OTUD7A: variants seen among roughly 807,000 people sequenced by gnomAD.
The protein encoded by OTUD7A is OTU domain-containing protein 7A.
In OTUD7A, 12 loss-of-function variants were observed where a neutral mutation model predicts 65.7. That is an observed-to-expected ratio of 0.18 (90% CI 0.12 to 0.30). OTUD7A has a LOEUF of 0.30. OTUD7A is among the 10% of genes least tolerant of loss of function. The pLI, the probability that OTUD7A is intolerant of heterozygous loss-of-function variation, is 1.00. For synonymous variants in OTUD7A, 641 were observed against 586.3 expected (o/e 1.09, Z -1.35); for missense variants, 1,148 against 1,304.8 (o/e 0.88, Z 1.85).
intron 1 of OTUD7A, among the ~76,000 whole-genome samples, chr15:31,659,873 C>T (rs1261375722): frequency 1.3e-5 from 2 of 152,228 alleles, no homozygotes. Flanking sequence ...GATCTGGGGT[C>T]GAGCACAGGC....
Position 31,503,680 on chromosome 15 carries a change from G to T in OTUD7A, c.1021+11C>A. ...TGTCATGAATACAACACATCTCTTT[G>T]AGGAACTTACCTTCTCCACCTGAGT... On this transcript the variant is annotated intron_variant, in intron 9 of 12. Coordinates refer to ENST00000307050, the MANE Select transcript of OTUD7A (RefSeq NM_001382637.1). 1 of 1,614,108 alleles carries T rather than the reference G, an allele frequency of 6.2e-7. No homozygotes were observed. The highest frequency in any genetic ancestry group is 1.1e-5 in the South Asian group (1 of 91,074).
At chr15:31,555,833 G>A (rs936157482) in intron 5 of OTUD7A, among the ~76,000 whole-genome samples, 16 of 101,974 alleles carry the variant, frequency 1.6e-4, no homozygotes, top group Non-Finnish European at 2.6e-4. Context: ...AGTTGTCTGC[G>A]TACCTCTGTT....
intron 1 of OTUD7A, among the ~76,000 whole-genome samples, chr15:31,800,899 G>A (rs1323268879): frequency 6.6e-6 from 1 of 152,100 alleles, no homozygotes; most frequent in African/African-American, 2.4e-5. Flanking sequence ...ATTTCCTGCA[G>A]CCCCTGCTGT....
intron 1 of OTUD7A, among the ~76,000 whole-genome samples, chr15:31,852,647 G>A (rs1246441793): frequency 6.6e-6 from 1 of 152,214 alleles, no homozygotes; most frequent in Admixed American, 6.5e-5. Flanking sequence ...TGCCATGTGA[G>A]TGGCCAACTG....
intron 12 of OTUD7A, among the ~76,000 whole-genome samples, chr15:31,486,286 C>T (rs1173475931): frequency 2.6e-5 from 4 of 152,132 alleles, no homozygotes; most frequent in African/African-American, 4.8e-5. Flanking sequence ...AAACTGCCAC[C>T]GACTGGCTGT....
intron 3 of OTUD7A, among the ~76,000 whole-genome samples, chr15:31,589,958 A>C (rs911559684): frequency 1.3e-5 from 2 of 152,188 alleles, no homozygotes; most frequent in African/African-American, 4.8e-5. Flanking sequence ...AAACCTTTCA[A>C]TTTGGTTATA....
chr15:31,599,280 C>T (rs1180671768), intron 3 of OTUD7A, among the ~76,000 whole-genome samples: 1 of 152,182 alleles, frequency 6.6e-6, no homozygotes, highest in Non-Finnish European at 1.5e-5. Flanking sequence ...CTGGTGGATG[C>T]CCCTCTGGGA....
chr15:31,679,960 G>T (rs1892675748), intron 1 of OTUD7A, among the ~76,000 whole-genome samples: 1 of 152,094 alleles, frequency 6.6e-6, no homozygotes, highest in Non-Finnish European at 1.5e-5. Flanking sequence ...TAAAAAATTG[G>T]CATATTATAT....
intron 8 of OTUD7A, among the ~76,000 whole-genome samples, chr15:31,509,499 T>C (rs1595566526): frequency 1.3e-5 from 2 of 152,264 alleles, no homozygotes; most frequent in South Asian, 4.1e-4. Flanking sequence ...CAGGATGGTC[T>C]TGATCTCCTG....
intron 1 of OTUD7A, among the ~76,000 whole-genome samples, chr15:31,827,290 T>G (rs1222111644): frequency 2.0e-5 from 3 of 152,202 alleles, no homozygotes; most frequent in African/African-American, 7.2e-5. Context: ...AAGTCTGGTC[T>G]TACATGGATG....
intron 1 of OTUD7A, among the ~76,000 whole-genome samples, chr15:31,869,636 C>G (rs1464294716): frequency 6.6e-6 from 1 of 152,172 alleles, no homozygotes; most frequent in African/African-American, 2.4e-5. Context: ...ACTCTTAAAT[C>G]TATACATTCT....
chr15:31,580,541 C>T (rs900843995), intron 3 of OTUD7A, among the ~76,000 whole-genome samples: 2 of 152,196 alleles, frequency 1.3e-5, no homozygotes, highest in African/African-American at 4.8e-5. Context: ...CTAGTAAAGA[C>T]ATACCAAAGG....
intron 3 of OTUD7A, among the ~76,000 whole-genome samples, chr15:31,647,023 A>C (rs1411038817): frequency 6.6e-6 from 1 of 152,150 alleles, no homozygotes; most frequent in East Asian, 1.9e-4. Flanking sequence ...TAGAATTCTG[A>C]TCTGGAGATG....
At chr15:31,537,399 T>G (rs372196145) in intron 5 of OTUD7A, among the ~76,000 whole-genome samples, 18 of 152,356 alleles carry the variant, frequency 1.2e-4, no homozygotes, top group Admixed American at 5.2e-4. Flanking sequence ...GAACATCTAT[T>G]TATTATATGA....
chr15:31,502,404 T>C (rs1308673015), intron 9 of OTUD7A, among the ~76,000 whole-genome samples: 1 of 152,194 alleles, frequency 6.6e-6, no homozygotes, highest in East Asian at 1.9e-4. Flanking sequence ...CTCAGCAAAA[T>C]AGAATAACTT....
chr15:31,812,425 AC>A (rs1425113143), intron 1 of OTUD7A, among the ~76,000 whole-genome samples: 2 of 152,186 alleles, frequency 1.3e-5, no homozygotes, highest in African/African-American at 4.8e-5. Context: ...TGCCTCATTT[AC>A]AGTTGTCCTT....
chr15:31,550,425 A>C (rs563758379), intron 5 of OTUD7A, among the ~76,000 whole-genome samples: 11 of 152,302 alleles, frequency 7.2e-5, no homozygotes, highest in African/African-American at 2.4e-4. Flanking sequence ...CACATGCATG[A>C]GACTTGGCAA....
intron 10 of OTUD7A, among the ~76,000 whole-genome samples, chr15:31,491,694 T>C (rs756382007): frequency 1.3e-5 from 2 of 152,082 alleles, no homozygotes; most frequent in Admixed American, 1.3e-4. Flanking sequence ...ACCACAAATA[T>C]TCCTATAATA....
intron 10 of OTUD7A, among the ~76,000 whole-genome samples, chr15:31,494,714 G>T (rs1397455445): frequency 6.6e-6 from 1 of 152,194 alleles, no homozygotes; most frequent in Non-Finnish European, 1.5e-5. Context: ...GACAACTGGG[G>T]TCTCCTCAGA....
Sources: allele counts gnomAD v4.1 joint callset (sites outside exome capture counted in the v4.1 genomes callset), GRCh38; gene constraint gnomAD v4.1.1; transcripts MANE v1.5; gene names NCBI Gene and HGNC (gene_info 2026-07-23, HGNC 2026-07-21).